COL19A1: variants seen among roughly 807,000 people sequenced by gnomAD.
COL19A1 encodes collagen alpha-1(XIX) chain.
COL19A1 carries 159 observed loss-of-function variants against 190.2 expected under a neutral mutation model. The ratio of observed to expected loss-of-function variants is 0.84; its 90% CI spans 0.73 to 0.95. COL19A1 has a LOEUF of 0.95. COL19A1 is among the 40% of genes least tolerant of loss of function. The pLI is 0.00. For synonymous variants in COL19A1, 509 were observed against 458.9 expected (o/e 1.11, Z -1.39); for missense variants, 1,418 against 1,431.9 (o/e 0.99, Z 0.16).
intron 11 of COL19A1, among the ~76,000 whole-genome samples, chr6:70,002,489 CT>C (rs199815178): frequency 3.3e-5 from 5 of 149,926 alleles, no homozygotes; most frequent in East Asian, 1.9e-4. Context: ...TGGTCCTGGG[CT>C]TTTTTTTTGG....
chr6:69,997,803 G>C (rs1777009347), intron 11 of COL19A1, among the ~76,000 whole-genome samples: 1 of 152,134 alleles, frequency 6.6e-6, no homozygotes, highest in African/African-American at 2.4e-5. Context: ...AAGGAAGAGA[G>C]AGATAAATAA....
At chr6:69,891,908 A>G (rs759263428) in intron 2 of COL19A1, among the ~76,000 whole-genome samples, 3 of 152,082 alleles carry the variant, frequency 2.0e-5, no homozygotes, top group Non-Finnish European at 4.4e-5. Context: ...CCATTTTTCT[A>G]TCCTAGGGCT....
At chr6:70,046,463 T>G (rs751059353) in intron 14 of COL19A1, among the ~76,000 whole-genome samples, 5 of 152,194 alleles carry the variant, frequency 3.3e-5, no homozygotes, top group Non-Finnish European at 5.9e-5. Context: ...TTTTCTTCTC[T>G]TTCTTTCTGA....
At chr6:70,095,374 T>C (rs764305611) in intron 15 of COL19A1, among the ~76,000 whole-genome samples, 1 of 152,184 alleles carries the variant, frequency 6.6e-6, no homozygotes, top group East Asian at 1.9e-4. Context: ...CACTACATAT[T>C]TTGGAGGTTT....
intron 16 of COL19A1, among the ~76,000 whole-genome samples, chr6:70,117,215 A>G (rs1784630363): frequency 6.6e-6 from 1 of 152,160 alleles, no homozygotes; most frequent in Non-Finnish European, 1.5e-5. Flanking sequence ...ACAGTCAGGG[A>G]AAAAAAGGCA....
intron 15 of COL19A1, among the ~76,000 whole-genome samples, chr6:70,099,337 A>G (rs949505705): frequency 6.6e-6 from 1 of 152,168 alleles, no homozygotes; most frequent in Non-Finnish European, 1.5e-5. Context: ...TGGCACCACA[A>G]GTGGAAAATT....
rs528376049 is a variant in COL19A1, at chr6:70,059,970, G to A, written c.1171-8453G>A. On this transcript the variant is annotated intron_variant, in intron 14 of 50. Coordinates refer to ENST00000620364, the MANE Select transcript of COL19A1 (RefSeq NM_001858.6). Reference sequence around the variant, plus strand: ...TATGCAAATGTGTGGTGTGTACAAAGATAATTAAGACTATGATTCTCTAAC... The same window carrying A: ...TATGCAAATGTGTGGTGTGTACAAAAATAATTAAGACTATGATTCTCTAAC... Among the ~76,000 whole-genome samples the A allele has an allele frequency of 1.5e-4, 23 of 152,252 alleles. No homozygotes were observed. The South Asian group carries it at 3.5e-3, about 23-fold the overall frequency.
At chr6:69,988,375 A>C (rs777287545) in intron 11 of COL19A1, among the ~76,000 whole-genome samples, 10 of 152,228 alleles carry the variant, frequency 6.6e-5, no homozygotes, top group Admixed American at 2.0e-4. Flanking sequence ...AGGATTTTGC[A>C]TGAAGTATCT....
chr6:69,979,168 G>A (rs1022278575), intron 11 of COL19A1, among the ~76,000 whole-genome samples: 2 of 151,790 alleles, frequency 1.3e-5, no homozygotes, highest in African/African-American at 4.8e-5. Flanking sequence ...AACTATTCTA[G>A]GCTAAAGGAA....
intron 2 of COL19A1, among the ~76,000 whole-genome samples, chr6:69,881,542 G>T (rs1258540204): frequency 2.0e-5 from 3 of 152,124 alleles, no homozygotes; most frequent in African/African-American, 4.8e-5. Context: ...GTTTGCTTTT[G>T]TAGCTCTAGT....
At chr6:69,933,901 C>A (rs1772940226) in intron 7 of COL19A1, among the ~76,000 whole-genome samples, 1 of 151,640 alleles carries the variant, frequency 6.6e-6, no homozygotes, top group South Asian at 2.1e-4. Context: ...TCAAAGGGGA[C>A]TGGTTCTAAA....
Position 70,207,490 on chromosome 6 carries a change from C to A in COL19A1, c.*216C>A. ...TCCCAAATTCATTCCATATGTTTTG[C>A]TTTACAATTGCTATGATTTTTACTC... is the stretch of plus-strand genomic sequence containing the variant. On this transcript the variant is annotated 3_prime_UTR_variant, in exon 51 of 51. Coordinates refer to ENST00000620364, the MANE Select transcript of COL19A1 (RefSeq NM_001858.6). 1 of 346,934 alleles carries A rather than the reference C, an allele frequency of 2.9e-6. No individual in the cohort carries two copies. The highest frequency in any genetic ancestry group is 5.0e-6 in the Non-Finnish European group (1 of 199,386). 21.5% of individuals were successfully genotyped at this position (346,934 alleles called of 1,614,324 possible). A position where few individuals can be genotyped will look rare whatever the true frequency, so the allele number is the denominator to read the frequency against.
chr6:70,184,148 A>T (rs1484204073), intron 44 of COL19A1, among the ~76,000 whole-genome samples: 2 of 152,196 alleles, frequency 1.3e-5, no homozygotes, highest in Non-Finnish European at 2.9e-5. Flanking sequence ...GAAAAATAAC[A>T]ATTGTTCTCT....
At chr6:70,062,092 C>A (rs1780871935) in intron 14 of COL19A1, among the ~76,000 whole-genome samples, 1 of 151,710 alleles carries the variant, frequency 6.6e-6, no homozygotes, top group Admixed American at 6.6e-5. Context: ...ACTCCATATG[C>A]CCCTGTAACA....
chr6:70,138,049 G>T (rs1186026982), intron 19 of COL19A1, among the ~76,000 whole-genome samples: 1 of 152,206 alleles, frequency 6.6e-6, no homozygotes, highest in Non-Finnish European at 1.5e-5. Flanking sequence ...AAGCATTGGA[G>T]CTGTGAATCA....
intron 45 of COL19A1, 33 bp from the exon 46 acceptor site, chr6:70,184,838 G>A (rs1178308781): frequency 4.3e-6 from 7 of 1,611,444 alleles, no homozygotes; most frequent in Non-Finnish European, 5.9e-6. Flanking sequence ...ATCTTGGCAA[G>A]GAGTGATTTT....
At position 70,148,428 on chromosome 6, in the gene COL19A1, G is replaced by A. The variant is rs142119387; in HGVS notation, c.1894-1276G>A. 9.2e-3 allele frequency among the ~76,000 whole-genome samples: 1,408 copies of A among 152,270 alleles called. 12 individuals carry two copies. Among genetic ancestry groups the A allele is most frequent in the Non-Finnish European group, 0.015 (1,022 of 68,008 alleles). The stretch of plus-strand genomic sequence containing the variant: ...GTTAAGGAATTTACGAGGGTTTTAG[G>A]AGCTCTGTGCCAGGAACTGGGGGCA... On this transcript the variant is annotated intron_variant, in intron 27 of 50. Transcript: ENST00000620364.
chr6:70,066,417 G>A (rs1781201274), intron 14 of COL19A1, among the ~76,000 whole-genome samples: 1 of 152,068 alleles, frequency 6.6e-6, no homozygotes, highest in South Asian at 2.1e-4. Flanking sequence ...CATGGACACA[G>A]GAAGGGGAAC....
chr6:70,029,399 C>T (rs1778902819), intron 12 of COL19A1, among the ~76,000 whole-genome samples: 1 of 152,116 alleles, frequency 6.6e-6, no homozygotes, highest in African/African-American at 2.4e-5. Context: ...TCTGCCTCCA[C>T]ATTACATGTA....
Sources: allele counts gnomAD v4.1 joint callset (sites outside exome capture counted in the v4.1 genomes callset), GRCh38; gene constraint gnomAD v4.1.1; transcripts MANE v1.5; gene names NCBI Gene and HGNC (gene_info 2026-07-23, HGNC 2026-07-21).